The following EPB41L5 variants were observed in gnomAD, a reference collection of about 807,000 sequenced individuals.
The protein encoded by EPB41L5 is erythrocyte membrane protein band 4.1 like 5.
EPB41L5 carries 55 observed loss-of-function variants against 106.6 expected under a neutral mutation model. The ratio of observed to expected loss-of-function variants is 0.52; its 90% CI spans 0.42 to 0.65. The LOEUF (loss-of-function observed/expected upper bound fraction) is 0.65, where lower values mean the gene tolerates loss of function less well. EPB41L5 is among the 30% of genes least tolerant of loss of function. The probability of loss-of-function intolerance (pLI) is 0.00; values close to 1 mark genes in which losing one functional copy is unlikely to be tolerated. For synonymous variants in EPB41L5, 297 were observed against 306.7 expected, an observed-to-expected ratio of 0.97 and a Z score of 0.33; for missense variants, 871 against 882.1, an observed-to-expected ratio of 0.99 and a Z score of 0.16.
At chr2:120,051,746 G>A (rs529194736) in intron 3 of EPB41L5, among the ~76,000 whole-genome samples, 1 of 152,296 alleles carries the variant, frequency 6.6e-6, no homozygotes, top group South Asian at 2.1e-4. Context: ...AGTTGGAAAT[G>A]CAGAAATTAC....
Position 120,175,052 on chromosome 2 carries a change from A to G in EPB41L5, c.*145A>G. 1.0e-5 allele frequency: 8 copies of G among 765,158 alleles called. No individual in the cohort carries two copies. Among genetic ancestry groups the G allele is most frequent in the Non-Finnish European group, 1.8e-5 (8 of 435,944 alleles). 47.4% of individuals were successfully genotyped at this position (765,158 alleles called of 1,614,324 possible). A position where few individuals can be genotyped will look rare whatever the true frequency, so the allele number is the denominator to read the frequency against. Reference sequence around the variant, plus strand: ...TTGACTTCAACTCCGTAAAAAAGACAGCTGTATTTTCCGTCCAACTGGAAT... The same window carrying G: ...TTGACTTCAACTCCGTAAAAAAGACGGCTGTATTTTCCGTCCAACTGGAAT... On this transcript the variant is annotated 3_prime_UTR_variant, in exon 25 of 25. Transcript: ENST00000263713.
At chr2:120,077,357 T>C in intron 9 of EPB41L5, 41 bp downstream of exon 9, 1 of 1,566,902 alleles carries the variant, frequency 6.4e-7, no homozygotes. Flanking sequence ...AATTTATTCT[T>C]TGGAGGTTCG....
intron 2 of EPB41L5, among the ~76,000 whole-genome samples, chr2:120,033,799 A>T (rs1414780057): frequency 1.3e-5 from 2 of 151,688 alleles, no homozygotes; most frequent in African/African-American, 2.4e-5. Flanking sequence ...CCTAAAATAG[A>T]TTGTGCATTG....
intron 2 of EPB41L5, among the ~76,000 whole-genome samples, chr2:120,019,936 A>G (rs1482109849): frequency 1.3e-5 from 2 of 151,548 alleles, no homozygotes; most frequent in Non-Finnish European, 2.9e-5. Context: ...GAAATATATA[A>G]TCATAACTCA....
intron 18 of EPB41L5, 123 bp from the exon 19 acceptor site, chr2:120,142,880 T>A: frequency 1.2e-6 from 1 of 818,402 alleles, no homozygotes; most frequent in Non-Finnish European, 1.9e-6. Context: ...TGAAATAAGA[T>A]ATGGCTGCTT....
At chr2:120,081,290 G>T (rs567207769) in intron 10 of EPB41L5, among the ~76,000 whole-genome samples, 10 of 152,126 alleles carry the variant, frequency 6.6e-5, no homozygotes, top group African/African-American at 2.4e-4. Context: ...TTTGTATAAG[G>T]TGTAAGGAAG....
chr2:120,148,113 T>C (rs1686492273), intron 20 of EPB41L5, among the ~76,000 whole-genome samples: 1 of 152,174 alleles, frequency 6.6e-6, no homozygotes, highest in Admixed American at 6.5e-5. Context: ...CTTTGTCACA[T>C]CTTAACATTT....
At chr2:120,052,672 A>G (rs1296401639) in intron 3 of EPB41L5, among the ~76,000 whole-genome samples, 2 of 152,178 alleles carry the variant, frequency 1.3e-5, no homozygotes, top group Non-Finnish European at 1.5e-5. Context: ...TGGCCCCTTC[A>G]TTCTTTGAGC....
chr2:120,164,444 T>C (rs1687299768), intron 21 of EPB41L5, among the ~76,000 whole-genome samples: 1 of 152,100 alleles, frequency 6.6e-6, no homozygotes, highest in Non-Finnish European at 1.5e-5. Flanking sequence ...ACTCCTGGGC[T>C]CAAGGGATCC....
intron 16 of EPB41L5, chr2:120,106,764 A>G (rs1684476200): frequency 1.0e-6 from 1 of 985,456 alleles, no homozygotes; most frequent in Non-Finnish European, 1.2e-6. Flanking sequence ...ATGAACATAA[A>G]TGAGCTCATA....
intron 9 of EPB41L5, among the ~76,000 whole-genome samples, chr2:120,078,269 A>G (rs1303949255): frequency 6.6e-6 from 1 of 152,204 alleles, no homozygotes; most frequent in East Asian, 1.9e-4. Context: ...ATGAAGATAC[A>G]CTTTAAAACT....
rs769698007 is a variant in EPB41L5, at chr2:120,091,631, C to T, written c.1120C>T (p.Arg374Ter). The T allele has an allele frequency of 1.2e-6, 2 of 1,613,618 alleles. No homozygotes were observed. The highest frequency in any genetic ancestry group is 1.3e-5 in the African/African-American group (1 of 75,020). ...STSFERRPSK[R>*]YSRRTLQMKA... ...ATCCTTTGAAAGAAGGCCCAGCAAACGATATTCTAGACGAACTCTACAAAT... is the reference window on the plus strand; with the variant it reads ...ATCCTTTGAAAGAAGGCCCAGCAAATGATATTCTAGACGAACTCTACAAAT... Residue 374 changes from arginine to a stop codon, truncating the protein, a stop_gained, in exon 13 of 25, where the codon CGA (arginine) becomes TGA (stop). Coordinates refer to ENST00000263713, the MANE Select transcript of EPB41L5 (RefSeq NM_020909.4). LOFTEE classifies it high-confidence loss of function.
intron 24 of EPB41L5, among the ~76,000 whole-genome samples, chr2:120,169,413 CTTGTGACCTTAG>C (rs772273306): frequency 6.6e-6 from 1 of 152,150 alleles, no homozygotes; most frequent in Non-Finnish European, 1.5e-5. Context: ...AGTGAACTTA[CTTGTGACCTTAG>C]AATAGACAAA....
At chr2:120,050,600 C>T (rs192918636) in intron 3 of EPB41L5, among the ~76,000 whole-genome samples, 2 of 152,264 alleles carry the variant, frequency 1.3e-5, no homozygotes, top group East Asian at 1.9e-4. Flanking sequence ...GTGATGGGTT[C>T]GAACATCCTC....
chr2:120,081,673 G>A (rs1328094844), intron 10 of EPB41L5, among the ~76,000 whole-genome samples: 1 of 152,104 alleles, frequency 6.6e-6, no homozygotes, highest in Non-Finnish European at 1.5e-5. Flanking sequence ...GATGGGGATG[G>A]CATTGAATCT....
intron 3 of EPB41L5, among the ~76,000 whole-genome samples, chr2:120,056,930 T>C (rs1428847598): frequency 6.6e-6 from 1 of 152,154 alleles, no homozygotes; most frequent in African/African-American, 2.4e-5. Flanking sequence ...AGGGTCTCAC[T>C]TTGTCACCCA....
Position 120,174,841 on chromosome 2 carries a change from C to T in EPB41L5, c.2136C>T (p.Ser712=). Residue 712 remains serine (S), a splice_region_variant and synonymous_variant, in exon 25 of 25, where the codon AGC becomes AGT. Transcript: ENST00000263713. Reference sequence around the variant, plus strand: ...GTAACCCATTCTCTCTTCCTTTCAGCTCTGGTCCCATTTTGGCAGAAGAAG... The same window carrying T: ...GTAACCCATTCTCTCTTCCTTTCAGTTCTGGTCCCATTTTGGCAGAAGAAG... The part of the protein sequence containing the change: ...PAPFLVDAVT[S]SGPILAEEAV... The T allele has an allele frequency of 6.2e-7, 1 of 1,614,072 alleles. No homozygotes were observed. The highest frequency in any genetic ancestry group is 8.5e-7 in the Non-Finnish European group (1 of 1,179,966).
chr2:120,168,050 A>G (rs751324562), intron 24 of EPB41L5, 43 bp downstream of exon 24: 1 of 1,600,212 alleles, frequency 6.2e-7, no homozygotes, highest in South Asian at 1.1e-5. Context: ...GGCATCTGTT[A>G]GGAAGAAAAA....
intron 16 of EPB41L5, chr2:120,104,276 T>C (rs1264739484): frequency 6.6e-7 from 1 of 1,519,304 alleles, no homozygotes; most frequent in East Asian, 2.5e-5. Context: ...CTCTTTGTCA[T>C]GCAAGTTGAT....
Sources: gnomAD v4.1 joint callset for allele counts (sites outside exome capture counted in the v4.1 genomes callset) on GRCh38, gnomAD v4.1.1 for gene constraint, MANE v1.5 for transcripts, NCBI Gene and HGNC (gene_info 2026-07-23, HGNC 2026-07-21) for gene names.